The following PRR14L variants were observed in gnomAD, a reference collection of about 807,000 sequenced individuals.
PRR14L encodes the protein proline rich 14 like, also known as protein PRR14L.
In PRR14L, 80 loss-of-function variants were observed where a neutral mutation model predicts 155.0. That is an observed-to-expected ratio of 0.52 (90% CI 0.43 to 0.62). The LOEUF (loss-of-function observed/expected upper bound fraction) is 0.62, where lower values mean the gene tolerates loss of function less well. PRR14L is among the 20% of genes least tolerant of loss of function. The pLI, the probability that PRR14L is intolerant of heterozygous loss-of-function variation, is 0.00. For synonymous variants in PRR14L, 883 were observed against 916.0 expected (o/e 0.96, Z 0.65); for missense variants, 2,469 against 2,548.0 (o/e 0.97, Z 0.67).
chr22:31,713,379 C>T lies in PRR14L; in HGVS notation c.4460G>A (p.Cys1487Tyr). 6.4e-7 allele frequency: 1 copy of T among 1,552,056 alleles called. No individual in the cohort carries two copies. The highest frequency in any genetic ancestry group is 8.7e-7 in the Non-Finnish European group (1 of 1,147,078). The change falls in exon 4 of 9, where the codon TGC becomes TAC. Residue 1487 changes from cysteine to tyrosine, a missense_variant. This residue lies in a region of PRR14L where 2,363 missense variants were observed against 2,371.6 expected (regional missense o/e 1.00). Transcript: ENST00000327423. ...TGCTTTCCGAGGGGCACCAAGAAGG[C>T]AAGGACTTGTGCATGACTCAGTGTC... ...RKDTESCTSP[C>Y]LLGAPRKAQD...
chr22:31,706,428 C>CTTTTTTTTTTTTTT (rs771902267), intron 4 of PRR14L, among the ~76,000 whole-genome samples: 1,545 of 141,806 alleles, frequency 0.011, 59 homozygotes, highest in African/African-American at 0.025. Context: ...TAAACTCTTC[C>CTTTTTTTTTTTTTT]TTTTTCTTTT....
intron 1 of PRR14L, among the ~76,000 whole-genome samples, chr22:31,745,857 A>ATATATAT (rs1169875448): frequency 7.0e-6 from 1 of 143,398 alleles, no homozygotes; most frequent in Non-Finnish European, 1.5e-5. Flanking sequence ...AAAAAAAAAA[A>ATATATAT]AAAAATATAT....
rs1198705795 is a variant in PRR14L at position 31,712,459 on chromosome 22, G to C, written c.5380C>G (p.Pro1794Ala). Residue 1794 changes from proline (P) to alanine (A), a missense_variant, in exon 4 of 9, where the codon CCC becomes GCC. By Grantham distance (27) the Pro-to-Ala change is conservative. Around this residue, in one of 2 missense-constraint regions of PRR14L, gnomAD observed 2,363 missense variants for 2,371.6 expected, o/e 1.00. Transcript: ENST00000327423. Reference protein sequence around the residue: ...VHSQTHTQAPPQPPAPLQDYG... With the variant: ...VHSQTHTQAPAQPPAPLQDYG... ...TCTTGGAGAGGAGCTGGAGGCTGGGGAGGAGCCTGAGTGTGGGTCTGACTA... is the reference window on the plus strand; with the variant it reads ...TCTTGGAGAGGAGCTGGAGGCTGGGCAGGAGCCTGAGTGTGGGTCTGACTA... 4 of 1,554,382 alleles carry C rather than the reference G, an allele frequency of 2.6e-6. No individual in the cohort carries two copies. The highest frequency in any genetic ancestry group is 3.5e-6 in the Non-Finnish European group (4 of 1,148,284).
At position 31,697,301 on chromosome 22, in the gene PRR14L, C is replaced by CAA. The variant is rs35748258; in HGVS notation, c.6107+4353_6107+4354dup. On this transcript the variant is annotated intron_variant, in intron 7 of 8. Coordinates refer to ENST00000327423, the MANE Select transcript of PRR14L (RefSeq NM_173566.3). ...TGGGTGGCACAGTGATACTCTGTCTCAAAAAAAAAAAAAAAAAAAAAGAAA... is the reference window on the plus strand; with the variant it reads ...TGGGTGGCACAGTGATACTCTGTCTCAAAAAAAAAAAAAAAAAAAAAAAGAAA... Among the ~76,000 whole-genome samples the CAA allele has an allele frequency of 5.8e-3, 335 of 58,210 alleles. 1 individual carries two copies. The highest frequency in any genetic ancestry group is 0.027 in the Middle Eastern group (3 of 110). 38.2% of individuals were successfully genotyped at this position (58,210 alleles called of 152,430 possible). A position where few individuals can be genotyped will look rare whatever the true frequency, so the allele number is the denominator to read the frequency against.
At chr22:31,728,404 G>C (rs193164194) in intron 2 of PRR14L, among the ~76,000 whole-genome samples, 172 of 152,208 alleles carry the variant, frequency 1.1e-3, no homozygotes, top group African/African-American at 4.0e-3. Context: ...CCTGAGGTCA[G>C]GAGTTTGAGA....
At chr22:31,708,845 A>G (rs2074605653) in intron 4 of PRR14L, among the ~76,000 whole-genome samples, 1 of 151,582 alleles carries the variant, frequency 6.6e-6, no homozygotes, top group Admixed American at 6.6e-5. Context: ...TTATTTTTTG[A>G]GACGGAGTTT....
At position 31,712,094 on chromosome 22, in the gene PRR14L, G is replaced by A; in HGVS notation, c.5745C>T (p.Gly1915=). 6.2e-7 allele frequency: 1 copy of A among 1,611,050 alleles called. No individual in the cohort carries two copies. The highest frequency in any genetic ancestry group is 8.5e-7 in the Non-Finnish European group (1 of 1,178,558). ...GGGACAGATTTTACCTGCTTGTGGTGCCCAGACTTGGTTGCCGCTTGCAGT... is the reference window on the plus strand; with the variant it reads ...GGGACAGATTTTACCTGCTTGTGGTACCCAGACTTGGTTGCCGCTTGCAGT... ...SPHCKRQPSL[G]TTSSHTMLPY... is the part of the protein sequence containing the mutation. Residue 1915 remains glycine, a synonymous_variant, in exon 4 of 9, where the codon GGC becomes GGT. Transcript: ENST00000327423.
At chr22:31,733,825 A>G (rs2074764357) in intron 2 of PRR14L, among the ~76,000 whole-genome samples, 1 of 152,082 alleles carries the variant, frequency 6.6e-6, no homozygotes, top group Admixed American at 6.6e-5. Context: ...AATCAAAGGG[A>G]AAAAAGTGGT....
At chr22:31,717,707 G>A (rs1259185523) in intron 3 of PRR14L, among the ~76,000 whole-genome samples, 1 of 151,916 alleles carries the variant, frequency 6.6e-6, no homozygotes, top group Admixed American at 6.6e-5. Flanking sequence ...AGATGTCATC[G>A]ATAAAATTAG....
chr22:31,737,347 G>A (rs570625459), intron 2 of PRR14L, among the ~76,000 whole-genome samples: 1 of 152,202 alleles, frequency 6.6e-6, no homozygotes, highest in South Asian at 2.1e-4. Flanking sequence ...CGGGCGTAAT[G>A]GTAGGTGCCT....
chr22:31,717,137 T>C lies in PRR14L; in HGVS notation c.702A>G (p.Val234=), dbSNP rs919986161. The change falls in exon 4 of 9, where the codon GTA becomes GTG. Residue 234 remains valine (V), a synonymous_variant. Coordinates refer to ENST00000327423, the MANE Select transcript of PRR14L (RefSeq NM_173566.3). ...CCTCATCACTGGTCATGATTTTGTC[T>C]ACTTCTTGGAATTCACCGCATCCAG... ...LSAGCGEFQE[V]DKIMTSDEVS... 2 of 1,552,382 alleles carry C rather than the reference T, an allele frequency of 1.3e-6. No homozygotes were observed. The highest frequency in any genetic ancestry group is 2.0e-5 in the Admixed American group (1 of 51,012).
chr22:31,687,963 C>T (rs950220493), intron 8 of PRR14L, among the ~76,000 whole-genome samples, 193 bp downstream of exon 8: 1 of 146,794 alleles, frequency 6.8e-6, no homozygotes, highest in Non-Finnish European at 1.5e-5. Context: ...ACCCAGGAGG[C>T]GGAGCTTGCA....
intron 7 of PRR14L, among the ~76,000 whole-genome samples, chr22:31,691,712 G>A (rs60669705): frequency 0.12 from 17,619 of 152,084 alleles, 1,373 homozygotes; most frequent in African/African-American, 0.22. Context: ...TCAGTACTTC[G>A]TTCCTTTTCC....
At chr22:31,697,485 GT>G in intron 7 of PRR14L, among the ~76,000 whole-genome samples, 1 of 152,022 alleles carries the variant, frequency 6.6e-6, no homozygotes, top group East Asian at 1.9e-4. Flanking sequence ...AAAATAGCTT[GT>G]TCGTGTATTT....
At position 31,738,697 on chromosome 22, in the gene PRR14L, G is replaced by C; in HGVS notation, c.164C>G (p.Ser55Cys). The change falls in exon 2 of 9, where the codon TCT becomes TGT. Residue 55 changes from serine (S) to cysteine (C), a missense_variant. Physicochemically the swap from Ser to Cys is moderately radical, Grantham distance 112. Transcript: ENST00000327423. ...IPDVKPGASSSLLSQNRALPL... is the reference protein window; with the variant it reads ...IPDVKPGASSCLLSQNRALPL... ...CAATGCCCTATTCTGACTTAAAAGA[G>C]AGCTTGAGGCTCCAGGTTTTACATC... is the stretch of plus-strand genomic sequence containing the variant. 2 of 1,551,942 alleles carry C rather than the reference G, an allele frequency of 1.3e-6. No individual in the cohort carries two copies. Among genetic ancestry groups the C allele is most frequent in the Non-Finnish European group, 1.7e-6 (2 of 1,147,056 alleles).
In PRR14L at chr22:31,715,315, C is replaced by T. The variant is rs1387832936; in HGVS notation, c.2524G>A (p.Val842Met). 3 of 1,552,084 alleles carry T rather than the reference C, an allele frequency of 1.9e-6. No individual in the cohort carries two copies. The highest frequency in any genetic ancestry group is 8.7e-7 in the Non-Finnish European group (1 of 1,147,066). ...DHCCQGTGHS[V>M]EKSSCKVSYT... Reference sequence around the variant, plus strand: ...CTCACTTTACAGCTGCTTTTTTCCACAGAGTGTCCTGTTCCTTGGCAGCAG... The same window carrying T: ...CTCACTTTACAGCTGCTTTTTTCCATAGAGTGTCCTGTTCCTTGGCAGCAG... The change falls in exon 4 of 9, where the codon GTG (valine) becomes ATG (methionine). Residue 842 changes from valine (V) to methionine (M), a missense_variant. By Grantham distance (21) the Val-to-Met change is conservative (BLOSUM62 1). Around this residue, in one of 2 missense-constraint regions of PRR14L, gnomAD observed 2,363 missense variants for 2,371.6 expected, o/e 1.00. Coordinates refer to ENST00000327423, the MANE Select transcript of PRR14L (RefSeq NM_173566.3).
In PRR14L at chr22:31,714,944, C is replaced by T. The variant is rs966590020; in HGVS notation, c.2895G>A (p.Lys965=). 1.3e-6 allele frequency: 2 copies of T among 1,551,904 alleles called. No individual in the cohort carries two copies. Among genetic ancestry groups the T allele is most frequent in the African/African-American group, 2.7e-5 (2 of 73,040 alleles). The stretch of plus-strand genomic sequence containing the variant: ...TCTGACAGTCAAGGACTTCATCTGC[C>T]TTCTGATCGAGTGTTTCAACTGATT... The part of the protein sequence containing the change: ...NVKSVETLDQ[K]ADEVLDCQSN... The change falls in exon 4 of 9, where the codon AAG becomes AAA. Residue 965 remains lysine, a synonymous_variant. Coordinates refer to ENST00000327423, the MANE Select transcript of PRR14L (RefSeq NM_173566.3).
In PRR14L at chr22:31,713,392, A is replaced by G; in HGVS notation, c.4447T>C (p.Cys1483Arg). 1.3e-6 allele frequency: 2 copies of G among 1,551,988 alleles called. No homozygotes were observed. Among genetic ancestry groups the G allele is most frequent in the South Asian group, 1.2e-5 (1 of 84,046 alleles). The change falls in exon 4 of 9, where the codon TGC (cysteine) becomes CGC (arginine). Residue 1483 changes from cysteine (C) to arginine (R), a missense_variant. Physicochemically the swap from Cys to Arg is radical, Grantham distance 180. Around this residue, in one of 2 missense-constraint regions of PRR14L, gnomAD observed 2,363 missense variants for 2,371.6 expected, o/e 1.00. Transcript: ENST00000327423. ...GCACCAAGAAGGCAAGGACTTGTGC[A>G]TGACTCAGTGTCCTTCCTTAATGGA... is the stretch of plus-strand genomic sequence containing the variant. ...HHPLRKDTES[C>R]TSPCLLGAPR...
chr22:31,723,210 G>A (rs1225477759), intron 3 of PRR14L, among the ~76,000 whole-genome samples: 1 of 152,016 alleles, frequency 6.6e-6, no homozygotes, highest in African/African-American at 2.4e-5. Context: ...CCATGGGTTT[G>A]GGGGAGAAAA....
Sources: allele counts gnomAD v4.1 joint callset (sites outside exome capture counted in the v4.1 genomes callset), GRCh38; gene constraint gnomAD v4.1.1; regional missense constraint gnomAD v4.1.1; transcripts MANE v1.5; gene names NCBI Gene and HGNC (gene_info 2026-07-23, HGNC 2026-07-21).